The following RABGAP1L variants were observed in gnomAD, a reference collection of about 807,000 sequenced individuals.
The protein encoded by RABGAP1L is rab GTPase-activating protein 1-like.
RABGAP1L carries 63 observed loss-of-function variants against 137.7 expected under a neutral mutation model. The ratio of observed to expected loss-of-function variants is 0.46; its 90% CI spans 0.37 to 0.56. The LOEUF is 0.56. Among genes scored for constraint, RABGAP1L ranks in the 20% least tolerant of loss-of-function variants. The probability of loss-of-function intolerance (pLI) is 0.00; values close to 1 mark genes in which losing one functional copy is unlikely to be tolerated. For synonymous variants in RABGAP1L, 431 were observed against 433.7 expected, an observed-to-expected ratio of 0.99 and a Z score of 0.08; for missense variants, 1,095 against 1,244.0, an observed-to-expected ratio of 0.88 and a Z score of 1.80.
At chr1:174,654,037 A>G (rs1018103254) in intron 14 of RABGAP1L, among the ~76,000 whole-genome samples, 2 of 152,220 alleles carry the variant, frequency 1.3e-5, no homozygotes, top group African/African-American at 4.8e-5. Flanking sequence ...TTGGATCACA[A>G]CCCAAGTCTG....
intron 13 of RABGAP1L, among the ~76,000 whole-genome samples, chr1:174,567,806 A>T (rs994212403): frequency 6.6e-6 from 1 of 152,154 alleles, no homozygotes; most frequent in African/African-American, 2.4e-5. Flanking sequence ...GAGAAAGCAG[A>T]TGGCATGTTT....
chr1:174,541,003 C>A (rs1665362502), intron 13 of RABGAP1L, among the ~76,000 whole-genome samples: 2 of 152,102 alleles, frequency 1.3e-5, no homozygotes, highest in South Asian at 4.1e-4. Flanking sequence ...TTGAAGAGGT[C>A]CTTCACATCC....
intron 13 of RABGAP1L, among the ~76,000 whole-genome samples, chr1:174,597,102 G>A (rs1023977030): frequency 5.9e-5 from 9 of 152,078 alleles, no homozygotes; most frequent in Non-Finnish European, 1.3e-4. Flanking sequence ...TTAATGTGTT[G>A]TTGAATTTGG....
At chr1:174,783,984 A>C (rs1168311192) in intron 18 of RABGAP1L, among the ~76,000 whole-genome samples, 3 of 137,896 alleles carry the variant, frequency 2.2e-5, no homozygotes, top group Non-Finnish European at 4.6e-5. Context: ...CTGAGATTAC[A>C]GGCCGTGAGT....
At position 174,448,726 on chromosome 1, in the gene RABGAP1L, C is replaced by T; in HGVS notation, c.1710+54581C>T. 6.2e-7 allele frequency: 1 copy of T among 1,613,872 alleles called. No individual in the cohort carries two copies. The highest frequency in any genetic ancestry group is 8.5e-7 in the Non-Finnish European group (1 of 1,179,818). The stretch of plus-strand genomic sequence containing the variant: ...GGCTCACCAGTGCCTATTTTACTGG[C>T]TTTATTGTTTGTTTACTTTATGCTC... On this transcript the variant is annotated intron_variant, in intron 13 of 25. Transcript: ENST00000681986. This position sits in a 1 kb window ranked among gnomAD's most constrained non-coding sequence, Gnocchi z 4.2.
At chr1:174,935,705 G>A (rs1410659712) in intron 19 of RABGAP1L, among the ~76,000 whole-genome samples, 4 of 152,218 alleles carry the variant, frequency 2.6e-5, no homozygotes, top group Non-Finnish European at 4.4e-5. Flanking sequence ...ATCTTGGCCA[G>A]GCACAGTGGC....
At chr1:174,811,780 G>A (rs1689892800) in intron 18 of RABGAP1L, 52 bp from the exon 19 acceptor site, 23 of 1,426,494 alleles carry the variant, frequency 1.6e-5, no homozygotes, top group Non-Finnish European at 2.1e-5. Context: ...AAATATATTT[G>A]TCCTCAAAGC....
At position 174,981,854 on chromosome 1, in the gene RABGAP1L, T is replaced by G. The variant is rs1000227454; in HGVS notation, c.2734-980T>G. 1.3e-4 allele frequency among the ~76,000 whole-genome samples: 20 copies of G among 152,314 alleles called. 1 individual carries two copies. The highest frequency in any genetic ancestry group is 1.3e-3 in the Admixed American group (20 of 15,292). On this transcript the variant is annotated intron_variant, in intron 23 of 25. Coordinates refer to ENST00000681986, the MANE Select transcript of RABGAP1L (RefSeq NM_001366446.1). Reference sequence around the variant, plus strand: ...AGAATATATTTTATTTAATGTACACTTACTATTGGCCAAGTGCTATGCTAA... The same window carrying G: ...AGAATATATTTTATTTAATGTACACGTACTATTGGCCAAGTGCTATGCTAA...
chr1:174,884,336 A>G (rs2149097102), intron 19 of RABGAP1L, among the ~76,000 whole-genome samples: 1 of 152,352 alleles, frequency 6.6e-6, no homozygotes. Flanking sequence ...TGCCAAATTA[A>G]AAAACAAAAT....
intron 11 of RABGAP1L, among the ~76,000 whole-genome samples, chr1:174,309,195 T>C (rs1425952562): frequency 6.6e-6 from 1 of 152,142 alleles, no homozygotes; most frequent in East Asian, 1.9e-4. Flanking sequence ...TCTGTAGGAA[T>C]TCTACTGATT....
At chr1:174,785,363 C>A (rs1687377700) in intron 18 of RABGAP1L, among the ~76,000 whole-genome samples, 1 of 152,206 alleles carries the variant, frequency 6.6e-6, no homozygotes, top group Non-Finnish European at 1.5e-5. Context: ...TGCACTCACC[C>A]TGAGTGATTT....
At position 174,719,150 on chromosome 1, in the gene RABGAP1L, A is replaced by G. The variant is rs553097446; in HGVS notation, c.2169+16894A>G. ...CACCGCACCCGGCCTATAGTATGGT[A>G]GGTTTTCTGAGGCCTTCTTTATACC... On this transcript the variant is annotated intron_variant, in intron 17 of 25. Transcript: ENST00000681986. 2.0e-5 allele frequency among the ~76,000 whole-genome samples: 3 copies of G among 152,176 alleles called. No homozygotes were observed. In the East Asian group the frequency reaches 5.8e-4, roughly 29 times the overall value.
intron 13 of RABGAP1L, among the ~76,000 whole-genome samples, chr1:174,623,686 C>T (rs1296638293): frequency 6.6e-6 from 1 of 152,174 alleles, no homozygotes; most frequent in Admixed American, 6.5e-5. Flanking sequence ...GAGGCTCTGT[C>T]ACATATTACC....
intron 14 of RABGAP1L, among the ~76,000 whole-genome samples, chr1:174,639,035 A>AT (rs981523254): frequency 6.6e-6 from 1 of 150,758 alleles, no homozygotes; most frequent in African/African-American, 2.4e-5. Context: ...TTAAAGTGTA[A>AT]TAAAAAAAAA....
chr1:174,193,721 A>G (rs1667371340), intron 1 of RABGAP1L, among the ~76,000 whole-genome samples: 1 of 152,206 alleles, frequency 6.6e-6, no homozygotes, highest in Admixed American at 6.5e-5. Flanking sequence ...ATAAAATGTC[A>G]GAAATATTCT....
chr1:174,243,395 A>AT (rs1232426209), intron 5 of RABGAP1L, among the ~76,000 whole-genome samples: 1 of 152,106 alleles, frequency 6.6e-6, no homozygotes, highest in African/African-American at 2.4e-5. Flanking sequence ...CTATTATTTA[A>AT]TTTTTTGAGT....
chr1:174,432,856 T>A (rs1652808624), intron 13 of RABGAP1L, among the ~76,000 whole-genome samples: 2 of 152,142 alleles, frequency 1.3e-5, no homozygotes, highest in Non-Finnish European at 2.9e-5. Context: ...TTCTTTAATG[T>A]ACTTTAAAAA....
chr1:174,665,182 A>G (rs142243287), intron 14 of RABGAP1L, among the ~76,000 whole-genome samples: 1 of 152,306 alleles, frequency 6.6e-6, no homozygotes, highest in East Asian at 1.9e-4. Flanking sequence ...CAGAGACCAA[A>G]TAGTGACAGT....
chr1:174,938,500 CTG>C (rs1453911671), intron 19 of RABGAP1L: 1 of 152,134 alleles, frequency 6.6e-6, no homozygotes, highest in Non-Finnish European at 1.5e-5. Flanking sequence ...TTTGATTTCA[CTG>C]TGTTTCCTAT....
Sources: gnomAD v4.1 joint callset for allele counts (sites outside exome capture counted in the v4.1 genomes callset) on GRCh38, gnomAD v4.1.1 for gene constraint, Gnocchi (gnomAD v3.1) non-coding constraint, MANE v1.5 for transcripts, NCBI Gene and HGNC (gene_info 2026-07-23, HGNC 2026-07-21) for gene names.